The following XKR6 variants were observed in gnomAD, a reference collection of about 807,000 sequenced individuals.
XKR6 encodes XK-related protein 6.
A neutral mutation model predicts 56.7 loss-of-function variants in XKR6; 22 were observed. The observed-to-expected ratio is 0.39, with a 90% CI of 0.28 to 0.55. The LOEUF (loss-of-function observed/expected upper bound fraction) is 0.55. Ranked by LOEUF, XKR6 falls within the 20% of genes least tolerant of loss-of-function variation. The pLI is 0.66. For missense variants in XKR6, 852 were observed against 889.0 expected, an observed-to-expected ratio of 0.96 and a Z score of 0.53; for synonymous variants, 524 against 387.8, an observed-to-expected ratio of 1.35 and a Z score of -4.13.
chr8:10,945,433 G>T (rs997480810), intron 1 of XKR6, among the ~76,000 whole-genome samples: 1 of 152,248 alleles, frequency 6.6e-6, no homozygotes, highest in African/African-American at 2.4e-5. Flanking sequence ...GGAATGAGCC[G>T]AGATGGCGCC....
intron 1 of XKR6, among the ~76,000 whole-genome samples, chr8:11,111,470 T>C (rs1403847374): frequency 1.3e-5 from 2 of 152,190 alleles, no homozygotes; most frequent in African/African-American, 4.8e-5. Context: ...CAGACTGAAA[T>C]TTTGTCTTTA....
intron 1 of XKR6, among the ~76,000 whole-genome samples, chr8:11,133,951 T>A (rs886663981): frequency 6.6e-6 from 1 of 152,196 alleles, no homozygotes; most frequent in Admixed American, 6.5e-5. Flanking sequence ...TGAGCTGGTC[T>A]CTTATGTTTT....
At chr8:11,095,327 G>C (rs1220919086) in intron 1 of XKR6, among the ~76,000 whole-genome samples, 1 of 152,176 alleles carries the variant, frequency 6.6e-6, no homozygotes, top group African/African-American at 2.4e-5. Context: ...TGAATGTAAG[G>C]TATTCTTAAA....
chr8:11,111,958 A>G (rs1317392488), intron 1 of XKR6: 1 of 152,248 alleles, frequency 6.6e-6, no homozygotes, highest in Non-Finnish European at 1.5e-5. Context: ...AATGGTCAAT[A>G]ATTACTTTTA....
At chr8:10,938,227 C>T (rs1320617035) in intron 1 of XKR6, among the ~76,000 whole-genome samples, 2 of 152,212 alleles carry the variant, frequency 1.3e-5, no homozygotes, top group African/African-American at 2.4e-5. Flanking sequence ...CTTGCGCTTC[C>T]CAGGTGAGAC....
At chr8:11,124,554 G>C (rs1158558332) in intron 1 of XKR6, 3 of 156,438 alleles carry the variant, frequency 1.9e-5, no homozygotes, top group Non-Finnish European at 2.8e-5. Flanking sequence ...AACTGATCAA[G>C]CAATTATAAA....
intron 1 of XKR6, among the ~76,000 whole-genome samples, chr8:11,070,549 A>C (rs1800089234): frequency 6.6e-6 from 1 of 152,190 alleles, no homozygotes; most frequent in African/African-American, 2.4e-5. Flanking sequence ...GCTCTCCCCA[A>C]AGCTAGTCTT....
At chr8:11,118,073 T>C (rs1018321073) in intron 1 of XKR6, among the ~76,000 whole-genome samples, 1 of 152,238 alleles carries the variant, frequency 6.6e-6, no homozygotes, top group African/African-American at 2.4e-5. Flanking sequence ...TGCATGCTTT[T>C]GACCCAGAAA....
chr8:11,083,147 T>C (rs1232317785), intron 1 of XKR6, among the ~76,000 whole-genome samples: 1 of 152,174 alleles, frequency 6.6e-6, no homozygotes, highest in East Asian at 1.9e-4. Context: ...CGGCAGCCAG[T>C]GGGAGCCCAG....
At chr8:11,145,109 T>C (rs907792489) in intron 1 of XKR6, among the ~76,000 whole-genome samples, 5 of 151,874 alleles carry the variant, frequency 3.3e-5, no homozygotes, top group African/African-American at 1.2e-4. Flanking sequence ...AAACCTAAAA[T>C]GCTCCAAAAT....
At chr8:11,163,987 G>C (rs1194698207) in intron 1 of XKR6, among the ~76,000 whole-genome samples, 2 of 152,128 alleles carry the variant, frequency 1.3e-5, no homozygotes, top group Non-Finnish European at 1.5e-5. Context: ...GCTAACTTCA[G>C]ACACATGCTT....
intron 1 of XKR6, among the ~76,000 whole-genome samples, chr8:10,984,753 T>C (rs1354259926): frequency 7.0e-6 from 1 of 142,534 alleles, no homozygotes; most frequent in Non-Finnish European, 1.5e-5. Flanking sequence ...TATATATATA[T>C]ATATTTGAAG....
At position 11,040,359 on chromosome 8, in the gene XKR6, T is replaced by TAA. The variant is rs143219123; in HGVS notation, c.765-115531_765-115530dup. On this transcript the variant is annotated intron_variant, in intron 1 of 2. Transcript: ENST00000416569. ...CAACATAAGCAGATCTCATGTCTGC[T>TAA]AAAAAAAAAAAAAAAAAAAAAAATT... Among the ~76,000 whole-genome samples the TAA allele has an allele frequency of 3.5e-3, 374 of 107,298 alleles. 1 individual carries two copies. The highest frequency in any genetic ancestry group is 8.8e-3 in the African/African-American group (272 of 30,736). The allele number at this position is 107,298 out of a possible 152,430, so 70.4% of individuals were successfully genotyped here.
At chr8:10,937,566 C>T (rs1175759612) in intron 1 of XKR6, among the ~76,000 whole-genome samples, 7 of 149,020 alleles carry the variant, frequency 4.7e-5, no homozygotes, top group Non-Finnish European at 9.0e-5. Flanking sequence ...TGGTGATGTA[C>T]AGATGGGTTT....
At chr8:11,093,940 C>A (rs984935998) in intron 1 of XKR6, among the ~76,000 whole-genome samples, 6 of 151,846 alleles carry the variant, frequency 4.0e-5, no homozygotes, top group African/African-American at 1.5e-4. Context: ...TCCGCCACCA[C>A]GCCAGACTAA....
chr8:11,144,742 C>G (rs905812820), intron 1 of XKR6, among the ~76,000 whole-genome samples: 1 of 152,060 alleles, frequency 6.6e-6, no homozygotes, highest in Admixed American at 6.6e-5. Flanking sequence ...CTGAAACATT[C>G]AAACACTACC....
intron 1 of XKR6, among the ~76,000 whole-genome samples, chr8:11,182,472 G>C (rs929695208): frequency 6.6e-6 from 1 of 152,198 alleles, no homozygotes; most frequent in Non-Finnish European, 1.5e-5. Context: ...AGTATTTTTA[G>C]GTGACATCTG....
intron 2 of XKR6, among the ~76,000 whole-genome samples, chr8:10,904,942 A>T (rs1486482486): frequency 6.6e-6 from 1 of 152,152 alleles, no homozygotes; most frequent in Admixed American, 6.5e-5. Context: ...CCGCTAAGTC[A>T]TGTGTCGGAA....
chr8:11,007,385 G>A (rs1263454582), intron 1 of XKR6, among the ~76,000 whole-genome samples: 1 of 152,190 alleles, frequency 6.6e-6, no homozygotes, highest in African/African-American at 2.4e-5. Context: ...GGGCTAATGT[G>A]CAAGCTTCTG....
Sources: gnomAD v4.1 joint callset for allele counts (sites outside exome capture counted in the v4.1 genomes callset) on GRCh38, gnomAD v4.1.1 for gene constraint, MANE v1.5 for transcripts, NCBI Gene and HGNC (gene_info 2026-07-23, HGNC 2026-07-21) for gene names.